The following RSL1D1 variants were observed in gnomAD, a reference collection of about 807,000 sequenced individuals.
RSL1D1 encodes ribosomal L1 domain-containing protein 1.
A neutral mutation model predicts 44.6 loss-of-function variants in RSL1D1; 34 were observed. That is an observed-to-expected ratio of 0.76 (90% CI 0.58 to 1.02). The LOEUF (loss-of-function observed/expected upper bound fraction) is 1.02. Ranked by LOEUF, RSL1D1 falls within the 50% of genes least tolerant of loss-of-function variation. The pLI, the probability that RSL1D1 is intolerant of heterozygous loss-of-function variation, is 0.00. For synonymous variants in RSL1D1, 271 were observed against 207.4 expected, an observed-to-expected ratio of 1.31 and a Z score of -2.63; for missense variants, 767 against 568.1, an observed-to-expected ratio of 1.35 and a Z score of -3.56.
chr16:11,843,996 C>A (rs1187711213), intron 5 of RSL1D1, among the ~76,000 whole-genome samples: 1 of 151,904 alleles, frequency 6.6e-6, no homozygotes, highest in African/African-American at 2.4e-5. Flanking sequence ...CAGTGGGAAG[C>A]CTGGAGGGCT....
intron 5 of RSL1D1, among the ~76,000 whole-genome samples, chr16:11,843,359 C>T (rs2053776237): frequency 6.6e-6 from 1 of 151,884 alleles, no homozygotes; most frequent in South Asian, 2.1e-4. Context: ...GCGTGAGCCA[C>T]CATGCCCAGC....
rs2053828582 is a variant in RSL1D1, at chr16:11,850,363, T to C, written c.161A>G (p.Tyr54Cys). The change falls in exon 2 of 9, where the codon TAT (tyrosine) becomes TGT (cysteine). Residue 54 changes from tyrosine (Y) to cysteine (C), a missense_variant. Transcript: ENST00000571133. ...TTCATTCTCATTCAAAAGCAACCCATAATTGTTTTTCCTGGACTTGCAATG... is the reference window on the plus strand; with the variant it reads ...TTCATTCTCATTCAAAAGCAACCCACAATTGTTTTTCCTGGACTTGCAATG... The part of the protein sequence containing the change: ...LTHCKSRKNN[Y>C]GLLLNENESL... 1 of 1,601,114 alleles carries C rather than the reference T, an allele frequency of 6.2e-7. No homozygotes were observed. Among genetic ancestry groups the C allele is most frequent in the South Asian group, 1.1e-5 (1 of 87,584 alleles).
Position 11,846,523 on chromosome 16 carries a change from T to C in RSL1D1, c.613A>G (p.Ile205Val), listed in dbSNP as rs1427307323. The change falls in exon 5 of 9, where the codon ATT (isoleucine) becomes GTT (valine). Residue 205 changes from isoleucine (I) to valine (V), a missense_variant. Coordinates refer to ENST00000571133, the MANE Select transcript of RSL1D1 (RefSeq NM_015659.3). ...NDCIGGTVLN[I>V]SKSGSCSAIR... is the part of the protein sequence containing the mutation. ...TACCTGCAAGAACCACTTTTAGAAA[T>C]GTTTAAGACTGTTCCACCTATACAG... is the stretch of plus-strand genomic sequence containing the variant. 4 of 1,582,642 alleles carry C rather than the reference T, an allele frequency of 2.5e-6. No individual in the cohort carries two copies. The highest frequency in any genetic ancestry group is 3.4e-6 in the Non-Finnish European group (4 of 1,166,142).
chr16:11,851,112 A>G (rs766412522), intron 1 of RSL1D1: 1 of 461,162 alleles, frequency 2.2e-6, no homozygotes, highest in Admixed American at 3.4e-5. Flanking sequence ...CTGCAAAACT[A>G]AGCGATTCGG....
rs768448947 is a variant in RSL1D1 at position 11,847,759 on chromosome 16, A to C, written c.293T>G (p.Phe98Cys). Residue 98 changes from phenylalanine (F) to cysteine (C), a missense_variant, in exon 3 of 9, where the codon TTT (phenylalanine) becomes TGT (cysteine). Coordinates refer to ENST00000571133, the MANE Select transcript of RSL1D1 (RefSeq NM_015659.3). ...IRSDSEDICL[F>C]TKDEPNSTPE... ...AGTTGAATTGGGTTCATCCTTCGTA[A>C]ATAAACAGATATCTTCTGAATCTGA... is the stretch of plus-strand genomic sequence containing the variant. 4.3e-6 allele frequency: 7 copies of C among 1,613,562 alleles called. No homozygotes were observed. The South Asian group carries it at 7.7e-5, about 18-fold the overall frequency.
At chr16:11,844,820 G>A (rs554641964) in intron 5 of RSL1D1, among the ~76,000 whole-genome samples, 2 of 152,288 alleles carry the variant, frequency 1.3e-5, no homozygotes, top group East Asian at 1.9e-4. Flanking sequence ...TTCATAAAAT[G>A]TATTTTCAAT....
rs181070257 is a variant in RSL1D1 at position 11,844,996 on chromosome 16, T to C, written c.635+1505A>G. Among the ~76,000 whole-genome samples, 280 of 152,238 alleles carry C rather than the reference T, an allele frequency of 1.8e-3. 1 individual carries two copies. The highest frequency in any genetic ancestry group is 2.9e-3 in the Non-Finnish European group (196 of 68,006). On this transcript the variant is annotated intron_variant, in intron 5 of 8. Transcript: ENST00000571133. ...CTGTTCTAGTAGGTAAGACTAGGTG[T>C]GGGGGCTCCGCCTAGCTCAGTATCC...
intron 3 of RSL1D1, 103 bp from the exon 4 acceptor site, chr16:11,846,946 G>A: frequency 5.0e-6 from 5 of 1,007,176 alleles, no homozygotes; most frequent in East Asian, 2.4e-5. Flanking sequence ...ATGTCCTAGA[G>A]CCATGCCTCT....
Position 11,838,007 on chromosome 16 carries a change from G to C in RSL1D1, c.1253C>G (p.Ala418Gly). 6.2e-7 allele frequency: 1 copy of C among 1,613,966 alleles called. No homozygotes were observed. The highest frequency in any genetic ancestry group is 8.5e-7 in the Non-Finnish European group (1 of 1,180,010). ...KALPASETPKAAESETPGKSP... is the reference protein window; with the variant it reads ...KALPASETPKGAESETPGKSP... The stretch of plus-strand genomic sequence containing the variant: ...TTTCCCTGGGGTCTCAGACTCTGCA[G>C]CTTTTGGGGTCTCAGATGCTGGCAA... The change falls in exon 9 of 9, where the codon GCT (alanine) becomes GGT (glycine). Residue 418 changes from alanine to glycine, a missense_variant. Physicochemically the swap from Ala to Gly is moderately conservative, Grantham distance 60. Coordinates refer to ENST00000571133, the MANE Select transcript of RSL1D1 (RefSeq NM_015659.3).
intron 8 of RSL1D1, 27 bp from the exon 9 acceptor site, chr16:11,838,140 A>G: frequency 6.5e-7 from 1 of 1,529,796 alleles, no homozygotes; most frequent in Non-Finnish European, 8.8e-7. Context: ...TAAGTTTAAT[A>G]TAGAAAAAGC....
intron 8 of RSL1D1, among the ~76,000 whole-genome samples, chr16:11,838,790 G>C (rs1424966505): frequency 6.7e-6 from 1 of 150,242 alleles, no homozygotes; most frequent in African/African-American, 2.5e-5. Flanking sequence ...ACGAAAGGTG[G>C]AGGTTGCTGT....
chr16:11,841,945 C>T lies in RSL1D1; in HGVS notation c.691G>A (p.Val231Ile), dbSNP rs759103071. 1 of 1,614,004 alleles carries T rather than the reference C, an allele frequency of 6.2e-7. No individual in the cohort carries two copies. Among genetic ancestry groups the T allele is most frequent in the South Asian group, 1.1e-5 (1 of 91,060 alleles). ...TCTGAAAGTCCTTTGGTGACAGCAA[C>T]AATGTTTTCAATGATGTGCTCAATT... is the stretch of plus-strand genomic sequence containing the variant. ...MQIEHIIENI[V>I]AVTKGLSEKL... Residue 231 changes from valine to isoleucine, a missense_variant, in exon 6 of 9, where the codon GTT becomes ATT. Val to Ile is a conservative substitution (Grantham distance 29). Coordinates refer to ENST00000571133, the MANE Select transcript of RSL1D1 (RefSeq NM_015659.3).
rs554764499 is a variant in RSL1D1, at chr16:11,839,820, G to C, written c.1021C>G (p.Pro341Ala). The change falls in exon 8 of 9, where the codon CCA becomes GCA. Residue 341 changes from proline (P) to alanine (A), a missense_variant. Transcript: ENST00000571133. ...KKPESKKEQT[P>A]EHGKKKRGRG... ...CCACGTTTTTTCTTCCCATGCTCTG[G>C]GGTCTGTTCCTTCTTTGATTCAGGT... 9.6e-4 allele frequency: 1,551 copies of C among 1,613,994 alleles called. 28 individuals carry two copies. The South Asian group carries it at 0.016, about 17-fold the overall frequency.
In RSL1D1 at chr16:11,841,961, G is replaced by A. The variant is rs752986054; in HGVS notation, c.675C>T (p.His225=). The change falls in exon 6 of 9, where the codon CAC becomes CAT. Residue 225 remains histidine (H), a synonymous_variant. Coordinates refer to ENST00000571133, the MANE Select transcript of RSL1D1 (RefSeq NM_015659.3). ...RIGHVGMQIE[H]IIENIVAVTK... ...TGACAGCAACAATGTTTTCAATGATGTGCTCAATTTGCATTCCAACGTGAC... is the reference window on the plus strand; with the variant it reads ...TGACAGCAACAATGTTTTCAATGATATGCTCAATTTGCATTCCAACGTGAC... 7 of 1,613,836 alleles carry A rather than the reference G, an allele frequency of 4.3e-6. No homozygotes were observed. The African/African-American group carries it at 8.0e-5, about 18-fold the overall frequency.
intron 6 of RSL1D1, 34 bp from the exon 7 acceptor site, chr16:11,841,854 A>C (rs751121079): frequency 1.2e-6 from 2 of 1,612,428 alleles, no homozygotes; most frequent in Non-Finnish European, 1.7e-6. Flanking sequence ...TCGTCTACAT[A>C]TACTTTGTTT....
rs1186900040 is a variant in RSL1D1 at position 11,834,812 on chromosome 16, G to A, written c.*2975C>T. The A allele has an allele frequency of 6.6e-6, 1 of 152,182 alleles. No homozygotes were observed. The highest frequency in any genetic ancestry group is 2.4e-5 in the African/African-American group (1 of 41,442). 9.4% of individuals were successfully genotyped at this position (152,182 alleles called of 1,614,324 possible). ...TTAAAAAGTTAACATTACAATTTGTGTTACTAAAATGCAAAAACAGGATTG... is the reference window on the plus strand; with the variant it reads ...TTAAAAAGTTAACATTACAATTTGTATTACTAAAATGCAAAAACAGGATTG... On this transcript the variant is annotated 3_prime_UTR_variant, in exon 9 of 9. Transcript: ENST00000571133.
chr16:11,851,181 A>G, intron 1 of RSL1D1: 1 of 597,192 alleles, frequency 1.7e-6, no homozygotes, highest in South Asian at 1.9e-5. Flanking sequence ...ATCTAGCTCC[A>G]CAGCACACTT....
chr16:11,841,862 T>A, intron 6 of RSL1D1, 42 bp from the exon 7 acceptor site: 1 of 1,612,004 alleles, frequency 6.2e-7, no homozygotes, highest in African/African-American at 1.3e-5. Flanking sequence ...ATATACTTTG[T>A]TTCTTTTAAA....
intron 8 of RSL1D1, among the ~76,000 whole-genome samples, chr16:11,838,454 T>G (rs2053737754): frequency 6.6e-6 from 1 of 151,960 alleles, no homozygotes; most frequent in Non-Finnish European, 1.5e-5. Context: ...TGAGCCACTG[T>G]GCCCGGCCAA....
Sources: gnomAD v4.1 joint callset for allele counts (sites outside exome capture counted in the v4.1 genomes callset) on GRCh38, gnomAD v4.1.1 for gene constraint, MANE v1.5 for transcripts, NCBI Gene and HGNC (gene_info 2026-07-23, HGNC 2026-07-21) for gene names.